RABEP1: variants seen among roughly 807,000 people sequenced by gnomAD.
RABEP1 encodes the protein rab GTPase-binding effector protein 1.
A neutral mutation model predicts 123.4 loss-of-function variants in RABEP1; 51 were observed. That is an observed-to-expected ratio of 0.41 (90% CI 0.33 to 0.52). RABEP1 has a LOEUF of 0.52. Among genes scored for constraint, RABEP1 ranks in the 20% least tolerant of loss-of-function variants. The probability of loss-of-function intolerance (pLI) is 0.16; values close to 1 mark genes in which losing one functional copy is unlikely to be tolerated. For missense variants in RABEP1, 888 were observed against 996.3 expected, an observed-to-expected ratio of 0.89 and a Z score of 1.46; for synonymous variants, 347 against 355.2, an observed-to-expected ratio of 0.98 and a Z score of 0.26.
intron 5 of RABEP1, among the ~76,000 whole-genome samples, chr17:5,338,974 T>C (rs1038053093): frequency 3.9e-5 from 6 of 152,086 alleles, no homozygotes; most frequent in Admixed American, 6.5e-5. Context: ...CTGGGCAACA[T>C]AGTGAGACCC....
intron 5 of RABEP1, among the ~76,000 whole-genome samples, chr17:5,342,099 A>G (rs1250535445): frequency 1.3e-5 from 2 of 152,266 alleles, no homozygotes; most frequent in African/African-American, 4.8e-5. Flanking sequence ...TAAGAGTTCA[A>G]CAATTTGAAA....
chr17:5,346,777 C>G lies in RABEP1; in HGVS notation c.649-13C>G. ...TGTAAATTTCAGTTTAATGGAATTG[C>G]ATCTTCTTTCAGGTTAAAGAACTGA... On this transcript the variant is annotated splice_polypyrimidine_tract_variant and intron_variant, in intron 5 of 17. Coordinates refer to ENST00000537505, the MANE Select transcript of RABEP1 (RefSeq NM_004703.6). 1.3e-6 allele frequency: 2 copies of G among 1,505,288 alleles called. No individual in the cohort carries two copies. Among genetic ancestry groups the G allele is most frequent in the Non-Finnish European group, 1.8e-6 (2 of 1,119,660 alleles). The allele number at this position is 1,505,288 out of a possible 1,614,324, so 93.2% of individuals were successfully genotyped here. A position where few individuals can be genotyped will look rare whatever the true frequency, so the allele number is the denominator to read the frequency against.
intron 1 of RABEP1, among the ~76,000 whole-genome samples, chr17:5,292,593 A>G (rs1419453516): frequency 6.6e-6 from 1 of 152,120 alleles, no homozygotes. Flanking sequence ...CATGTTGATC[A>G]GGCTGGTCTG....
chr17:5,284,988 A>T lies in RABEP1; in HGVS notation c.34+2468A>T, dbSNP rs183218605. Among the ~76,000 whole-genome samples, 529 of 152,244 alleles carry T rather than the reference A, an allele frequency of 3.5e-3. 1 individual carries two copies. The highest frequency in any genetic ancestry group is 5.7e-3 in the Non-Finnish European group (386 of 68,020). On this transcript the variant is annotated intron_variant, in intron 1 of 17. Coordinates refer to ENST00000537505, the MANE Select transcript of RABEP1 (RefSeq NM_004703.6). ...TTTGATGACTTTTTAAAAAAAAAAA[A>T]ATATTGTCTGTTTTTCATGGCCATA... is the stretch of plus-strand genomic sequence containing the variant.
chr17:5,326,235 C>A (rs1045377937), intron 2 of RABEP1, among the ~76,000 whole-genome samples: 1 of 152,122 alleles, frequency 6.6e-6, no homozygotes, highest in Non-Finnish European at 1.5e-5. Flanking sequence ...AACTTCGAAG[C>A]ATGGAAGATG....
chr17:5,298,869 A>G (rs2075107422), intron 1 of RABEP1, among the ~76,000 whole-genome samples: 1 of 151,660 alleles, frequency 6.6e-6, no homozygotes, highest in Admixed American at 6.6e-5. Flanking sequence ...GTTAGCCAGG[A>G]TGGTCTCGAT....
At chr17:5,289,318 C>T (rs1209631497) in intron 1 of RABEP1, among the ~76,000 whole-genome samples, 1 of 151,220 alleles carries the variant, frequency 6.6e-6, no homozygotes, top group East Asian at 1.9e-4. Flanking sequence ...TATATTAGCC[C>T]TTTGGTATGT....
intron 2 of RABEP1, among the ~76,000 whole-genome samples, chr17:5,318,047 T>G (rs1055379936): frequency 6.6e-6 from 1 of 152,198 alleles, no homozygotes; most frequent in Non-Finnish European, 1.5e-5. Flanking sequence ...TTTCTCTATA[T>G]CCTTTGTAAT....
At chr17:5,367,459 C>CT (rs1420402155) in intron 11 of RABEP1, among the ~76,000 whole-genome samples, 1 of 151,386 alleles carries the variant, frequency 6.6e-6, no homozygotes, top group Non-Finnish European at 1.5e-5. Context: ...TTAGTAGAGA[C>CT]GGGGTTTCAC....
chr17:5,344,898 C>T (rs1037912235), intron 5 of RABEP1, among the ~76,000 whole-genome samples: 1 of 150,762 alleles, frequency 6.6e-6, no homozygotes. Context: ...CAGAGGTTGA[C>T]GTTGCAGTAA....
At chr17:5,315,264 G>A (rs1198449246) in intron 2 of RABEP1, among the ~76,000 whole-genome samples, 1 of 152,122 alleles carries the variant, frequency 6.6e-6, no homozygotes, top group Admixed American at 6.5e-5. Context: ...CAAACGATTA[G>A]AAATTAAAAT....
At chr17:5,373,037 C>T (rs538075689) in intron 12 of RABEP1, among the ~76,000 whole-genome samples, 5 of 152,304 alleles carry the variant, frequency 3.3e-5, no homozygotes, top group African/African-American at 7.2e-5. Context: ...GGATTACAGG[C>T]GTGAGCCACC....
chr17:5,368,607 T>A (rs964662377), intron 12 of RABEP1, 139 bp downstream of exon 12: 60 of 588,736 alleles, frequency 1.0e-4, no homozygotes, highest in Non-Finnish European at 1.5e-4. Context: ...TGTAGAACAT[T>A]AATAATGGAC....
chr17:5,324,957 CAA>C (rs2144578855), intron 2 of RABEP1, among the ~76,000 whole-genome samples: 1 of 152,242 alleles, frequency 6.6e-6, no homozygotes, highest in African/African-American at 2.4e-5. Flanking sequence ...GGAGGTTCCT[CAA>C]AAGACTAAAA....
intron 12 of RABEP1, among the ~76,000 whole-genome samples, chr17:5,372,870 C>T (rs1210545033): frequency 6.6e-6 from 1 of 152,154 alleles, no homozygotes; most frequent in Non-Finnish European, 1.5e-5. Context: ...ATTCTCCGGC[C>T]TCAGCCTCCC....
chr17:5,290,119 G>A (rs780664192), intron 1 of RABEP1, among the ~76,000 whole-genome samples: 7 of 152,038 alleles, frequency 4.6e-5, no homozygotes, highest in East Asian at 1.9e-4. Context: ...ATGGAGTCTC[G>A]CTCTGTCGCC....
intron 1 of RABEP1, among the ~76,000 whole-genome samples, chr17:5,306,433 G>T (rs1175011901): frequency 6.6e-6 from 1 of 152,178 alleles, no homozygotes; most frequent in Admixed American, 6.5e-5. Flanking sequence ...GTCAAGACCA[G>T]CCTGGGCAAC....
intron 5 of RABEP1, among the ~76,000 whole-genome samples, chr17:5,342,395 T>C (rs1907691653): frequency 6.6e-6 from 1 of 152,168 alleles, no homozygotes; most frequent in East Asian, 1.9e-4. Flanking sequence ...CCCAGCACTT[T>C]AGGAGGCCAA....
intron 7 of RABEP1, among the ~76,000 whole-genome samples, chr17:5,353,627 C>T (rs141964946): frequency 3.3e-5 from 5 of 151,946 alleles, no homozygotes; most frequent in Non-Finnish European, 7.4e-5. Flanking sequence ...GTGGGAGGAT[C>T]GCTTGAGCCT....
Sources: allele counts gnomAD v4.1 joint callset (sites outside exome capture counted in the v4.1 genomes callset), GRCh38; gene constraint gnomAD v4.1.1; transcripts MANE v1.5; gene names NCBI Gene and HGNC (gene_info 2026-07-23, HGNC 2026-07-21).